GRAMD1C: variants seen among roughly 807,000 people sequenced by gnomAD.
The protein encoded by GRAMD1C is GRAM domain containing 1C.
GRAMD1C carries 89 observed loss-of-function variants against 97.8 expected under a neutral mutation model. The observed-to-expected ratio is 0.91, with a 90% CI of 0.77 to 1.09. The LOEUF is 1.09. Ranked by LOEUF, GRAMD1C falls within the 50% of genes least tolerant of loss-of-function variation. The pLI, the probability that GRAMD1C is intolerant of heterozygous loss-of-function variation, is 0.00. For missense variants in GRAMD1C, 740 were observed against 766.4 expected (o/e 0.97, Z 0.41); for synonymous variants, 256 against 267.0 (o/e 0.96, Z 0.40).
intron 6 of GRAMD1C, chr3:113,885,883 C>G (rs911386192): frequency 1.2e-6 from 2 of 1,612,562 alleles, no homozygotes; most frequent in African/African-American, 2.7e-5. Flanking sequence ...AGGAGCCATC[C>G]AGACAATGCC....
rs187378607 is a variant in GRAMD1C, at chr3:113,867,756, A to T, written c.175-1751A>T. ...TCTTTGTTGTTCAGCAGTTTGAGTC[A>T]TGTCTTAGCATGACTCTCTGTGTTT... On this transcript the variant is annotated intron_variant, in intron 2 of 17. Transcript: ENST00000358160. Among the ~76,000 whole-genome samples the T allele has an allele frequency of 6.6e-5, 10 of 152,192 alleles. No homozygotes were observed. The East Asian group carries it at 1.9e-3, about 29-fold the overall frequency.
intron 6 of GRAMD1C, chr3:113,890,581 C>T (rs1935683095): frequency 1.8e-6 from 1 of 550,290 alleles, no homozygotes; most frequent in African/African-American, 1.9e-5. Context: ...TGGCTGAAAA[C>T]TCCAGTGTTG....
At chr3:113,897,652 C>G (rs1397944920) in intron 6 of GRAMD1C, 1 of 983,298 alleles carries the variant, frequency 1.0e-6, no homozygotes, top group Non-Finnish European at 1.2e-6. Flanking sequence ...ATATTTGGAG[C>G]TCTGCTGTGC....
chr3:113,942,309 C>G (rs1302036439), intron 17 of GRAMD1C, among the ~76,000 whole-genome samples: 1 of 151,922 alleles, frequency 6.6e-6, no homozygotes, highest in African/African-American at 2.4e-5. Flanking sequence ...CTGGCATACT[C>G]ATTTTGCATC....
intron 9 of GRAMD1C, among the ~76,000 whole-genome samples, chr3:113,914,016 A>G (rs1045533782): frequency 1.3e-5 from 2 of 152,220 alleles, no homozygotes; most frequent in African/African-American, 4.8e-5. Flanking sequence ...AAAGATAACA[A>G]GTCAATAAAT....
intron 10 of GRAMD1C, among the ~76,000 whole-genome samples, chr3:113,929,655 A>G (rs931259823): frequency 8.5e-5 from 13 of 152,222 alleles, no homozygotes; most frequent in African/African-American, 3.1e-4. Context: ...ATATACCTAA[A>G]TAAATCATTT....
chr3:113,903,070 G>C (rs1577185588), intron 7 of GRAMD1C, among the ~76,000 whole-genome samples: 1 of 149,372 alleles, frequency 6.7e-6, no homozygotes, highest in South Asian at 2.1e-4. Flanking sequence ...GTTCAAGCGA[G>C]TCTTCTGCCT....
chr3:113,858,519 T>C (rs1279858611), intron 2 of GRAMD1C, among the ~76,000 whole-genome samples: 1 of 151,246 alleles, frequency 6.6e-6, no homozygotes, highest in South Asian at 2.1e-4. Flanking sequence ...CTTAGCCTCC[T>C]GAGTAGCTGA....
chr3:113,907,688 T>C (rs1936419177), intron 8 of GRAMD1C, among the ~76,000 whole-genome samples: 1 of 152,198 alleles, frequency 6.6e-6, no homozygotes, highest in Admixed American at 6.5e-5. Context: ...TAATACTCTT[T>C]GTAAAACTTC....
chr3:113,874,673 C>A (rs566369896), intron 3 of GRAMD1C, among the ~76,000 whole-genome samples: 2 of 152,250 alleles, frequency 1.3e-5, no homozygotes, highest in African/African-American at 4.8e-5. Context: ...TTGAAACTGA[C>A]TTAAAATGTA....
At chr3:113,925,518 G>A (rs564258643) in intron 10 of GRAMD1C, among the ~76,000 whole-genome samples, 3 of 151,382 alleles carry the variant, frequency 2.0e-5, no homozygotes, top group East Asian at 3.9e-4. Flanking sequence ...CCAGCATACA[G>A]TTGGGTCTTA....
upstream of GRAMD1C, among the ~76,000 whole-genome samples, chr3:113,837,466 T>C (rs1709652251): frequency 6.6e-6 from 1 of 152,196 alleles, no homozygotes; most frequent in Admixed American, 6.5e-5. Context: ...GCAGACCTAA[T>C]ACATCAATCA....
At chr3:113,889,090 C>A (rs570137751) in intron 6 of GRAMD1C, among the ~76,000 whole-genome samples, 1 of 152,092 alleles carries the variant, frequency 6.6e-6, no homozygotes, top group East Asian at 1.9e-4. Context: ...ATCCCAGCTA[C>A]TCGGGAGGCT....
At chr3:113,920,925 T>A (rs1012572693) in intron 10 of GRAMD1C, among the ~76,000 whole-genome samples, 8 of 152,226 alleles carry the variant, frequency 5.3e-5, no homozygotes, top group African/African-American at 1.4e-4. Flanking sequence ...GTTTCTGATC[T>A]TTTAGTTTCA....
intron 11 of GRAMD1C, among the ~76,000 whole-genome samples, chr3:113,931,931 TAAA>T (rs1245571925): frequency 2.0e-5 from 3 of 151,728 alleles, no homozygotes; most frequent in Admixed American, 1.3e-4. Flanking sequence ...GTCTCAAAAA[TAAA>T]AAATAAAAAC....
chr3:113,919,913 A>C (rs535774502), intron 10 of GRAMD1C: 1 of 651,954 alleles, frequency 1.5e-6, no homozygotes, highest in African/African-American at 1.8e-5. Context: ...AACATCACCA[A>C]ATATGAAATA....
At chr3:113,843,334 C>T (rs1933453231) in intron 1 of GRAMD1C, among the ~76,000 whole-genome samples, 1 of 151,852 alleles carries the variant, frequency 6.6e-6, no homozygotes, top group African/African-American at 2.4e-5. Context: ...GCCTCAGCCT[C>T]CCAAAGTGCT....
At chr3:113,919,528 GAGA>G (rs1461016371) in intron 10 of GRAMD1C, 1 of 548,610 alleles carries the variant, frequency 1.8e-6, no homozygotes, top group African/African-American at 1.9e-5. Context: ...AACTGACTCA[GAGA>G]AGAAGTTATG....
In GRAMD1C at chr3:113,930,780, T is replaced by G. The variant is rs1161523685; in HGVS notation, c.1157T>G (p.Ile386Arg). 2 of 1,611,718 alleles carry G rather than the reference T, an allele frequency of 1.2e-6. No individual in the cohort carries two copies. Among genetic ancestry groups the G allele is most frequent in the South Asian group, 2.2e-5 (2 of 91,010 alleles). The change falls in exon 11 of 18, where the codon ATA (isoleucine) becomes AGA (arginine). Residue 386 changes from isoleucine (I) to arginine (R), a missense_variant. Ile to Arg is a moderately conservative substitution (Grantham distance 97, BLOSUM62 -3). Coordinates refer to ENST00000358160, the MANE Select transcript of GRAMD1C (RefSeq NM_017577.5). ...GDQLRTMTYTIVLNSPLTGKC... is the reference protein window; with the variant it reads ...GDQLRTMTYTRVLNSPLTGKC... Reference sequence around the variant, plus strand: ...CAGCTGAGAACGATGACCTACACTATAGTCCTTAATAGTCCACTTACTGGA... The same window carrying G: ...CAGCTGAGAACGATGACCTACACTAGAGTCCTTAATAGTCCACTTACTGGA...
Sources: allele counts gnomAD v4.1 joint callset (sites outside exome capture counted in the v4.1 genomes callset), GRCh38; gene constraint gnomAD v4.1.1; transcripts MANE v1.5; gene names NCBI Gene and HGNC (gene_info 2026-07-23, HGNC 2026-07-21).